The following ESYT2 variants were observed in gnomAD, a reference collection of about 807,000 sequenced individuals.
The protein encoded by ESYT2 is extended synaptotagmin-2.
Under a neutral mutation model 107.2 loss-of-function variants are expected in ESYT2, and 54 were observed. The ratio of observed to expected loss-of-function variants is 0.50; its 90% CI spans 0.40 to 0.63. The LOEUF (loss-of-function observed/expected upper bound fraction) is 0.63, where lower values mean the gene tolerates loss of function less well. ESYT2 is among the 30% of genes least tolerant of loss of function. The pLI, the probability that ESYT2 is intolerant of heterozygous loss-of-function variation, is 0.00. For synonymous variants in ESYT2, 491 were observed against 434.1 expected (o/e 1.13, Z -1.63); for missense variants, 1,020 against 1,094.5 (o/e 0.93, Z 0.96).
At chr7:158,761,231 C>T (rs544011376) in intron 11 of ESYT2, among the ~76,000 whole-genome samples, 1 of 152,320 alleles carries the variant, frequency 6.6e-6, no homozygotes, top group East Asian at 1.9e-4. Flanking sequence ...TCTGCAATAA[C>T]GTCAGTTTAT....
chr7:158,757,072 G>A (rs1322607877), intron 13 of ESYT2, among the ~76,000 whole-genome samples: 1 of 151,568 alleles, frequency 6.6e-6, no homozygotes, highest in South Asian at 2.1e-4. Flanking sequence ...TTTTTTCAAC[G>A]AGCCAGTAGC....
At chr7:158,823,373 C>G (rs1458225126) in intron 1 of ESYT2, among the ~76,000 whole-genome samples, 1 of 139,086 alleles carries the variant, frequency 7.2e-6, no homozygotes. Flanking sequence ...GTCGCCCAGG[C>G]TGGAGTGCAG....
chr7:158,764,607 A>G, intron 9 of ESYT2, 70 bp downstream of exon 9: 1 of 1,507,762 alleles, frequency 6.6e-7, no homozygotes, highest in South Asian at 1.2e-5. Flanking sequence ...CTGTGCTGGA[A>G]TGAGAGCTTG....
At chr7:158,772,134 AG>A (rs1838396442) in intron 7 of ESYT2, among the ~76,000 whole-genome samples, 3 of 152,030 alleles carry the variant, frequency 2.0e-5, no homozygotes, top group Non-Finnish European at 4.4e-5. Context: ...AAAAAAAAAA[AG>A]AAACTTACTT....
chr7:158,819,485 G>T (rs916974434), intron 1 of ESYT2, among the ~76,000 whole-genome samples: 5 of 152,114 alleles, frequency 3.3e-5, no homozygotes, highest in Non-Finnish European at 7.4e-5. Context: ...AGATGATACT[G>T]CAATAGTCAA....
At chr7:158,800,053 A>AC (rs1839587852) in intron 1 of ESYT2, among the ~76,000 whole-genome samples, 1 of 70,980 alleles carries the variant, frequency 1.4e-5, no homozygotes, top group East Asian at 4.6e-4. Context: ...GTGGCCTCTT[A>AC]ATTTTTTTTT....
At chr7:158,743,396 C>T (rs1837280100) in intron 17 of ESYT2, 133 bp downstream of exon 17, 10 of 1,118,616 alleles carry the variant, frequency 8.9e-6, no homozygotes, top group Admixed American at 3.0e-5. Context: ...CCTGCACCGG[C>T]GCCCTCCTGC....
chr7:158,739,260 T>C, intron 18 of ESYT2, 139 bp from the exon 19 acceptor site: 1 of 668,290 alleles, frequency 1.5e-6, no homozygotes. Flanking sequence ...TTAAACATAA[T>C]TTGAAACTTC....
intron 6 of ESYT2, among the ~76,000 whole-genome samples, chr7:158,780,991 G>A (rs947550474): frequency 1.3e-5 from 2 of 152,018 alleles, no homozygotes; most frequent in Non-Finnish European, 2.9e-5. Flanking sequence ...TGAGAAAGAG[G>A]GACAGAGAAC....
intron 1 of ESYT2, among the ~76,000 whole-genome samples, chr7:158,820,490 T>TA (rs1213515628): frequency 6.6e-6 from 1 of 152,140 alleles, no homozygotes; most frequent in Non-Finnish European, 1.5e-5. Context: ...TTTTATCAGA[T>TA]AAAAAAATAA....
At position 158,745,562 on chromosome 7, in the gene ESYT2, C is replaced by T. The variant is rs1034644437; in HGVS notation, c.1645-1884G>A. ...GAAAGGCACACAGCCTACAGGTGCA[C>T]GTGGAGTGTGTCCCAGGACAGGCAG... On this transcript the variant is annotated intron_variant, in intron 16 of 22. Coordinates refer to ENST00000275418, the MANE Select transcript of ESYT2 (RefSeq NM_001367773.1). Among the ~76,000 whole-genome samples the T allele has an allele frequency of 5.9e-5, 9 of 152,114 alleles. No homozygotes were observed. In the East Asian group the frequency reaches 1.3e-3, roughly 23 times the overall value.
chr7:158,791,906 C>T (rs2709852), intron 4 of ESYT2, among the ~76,000 whole-genome samples: 143,540 of 152,224 alleles, frequency 0.94, 67,725 homozygotes, highest in Middle Eastern at 0.96. Context: ...AATATTAAGT[C>T]TTCTAATCCA....
chr7:158,806,133 T>TGGCGCACAACGCGTAGGAGGC (rs1584873959), intron 1 of ESYT2, among the ~76,000 whole-genome samples: 1 of 36,326 alleles, frequency 2.8e-5, no homozygotes, highest in Non-Finnish European at 1.0e-4. Context: ...GCGTGGGAGG[T>TGGCGCACAACGCGTAGGAGGC]GCCGGGGCAC....
At chr7:158,787,446 CAA>C (rs1839150913) in intron 6 of ESYT2, among the ~76,000 whole-genome samples, 1 of 152,094 alleles carries the variant, frequency 6.6e-6, no homozygotes, top group Non-Finnish European at 1.5e-5. Flanking sequence ...AAACACACCC[CAA>C]AAGAGGAAGG....
intron 1 of ESYT2, among the ~76,000 whole-genome samples, chr7:158,827,063 T>C (rs1840475703): frequency 6.7e-6 from 1 of 149,834 alleles, no homozygotes; most frequent in Non-Finnish European, 1.5e-5. Context: ...CTCGGGAGGC[T>C]GAGGCAGGAG....
At chr7:158,783,861 C>A (rs1839014269) in intron 6 of ESYT2, among the ~76,000 whole-genome samples, 1 of 152,142 alleles carries the variant, frequency 6.6e-6, no homozygotes, top group African/African-American at 2.4e-5. Context: ...TAGAAGGGCA[C>A]AAAGGAAGCC....
At chr7:158,809,292 A>G (rs570399400) in intron 1 of ESYT2, among the ~76,000 whole-genome samples, 35 of 152,070 alleles carry the variant, frequency 2.3e-4, no homozygotes, top group Admixed American at 2.3e-3. Flanking sequence ...CCTGGCCAAC[A>G]TGGTGAAACC....
At chr7:158,751,713 C>T (rs980341701) in intron 14 of ESYT2, among the ~76,000 whole-genome samples, 2 of 152,184 alleles carry the variant, frequency 1.3e-5, no homozygotes, top group Admixed American at 1.3e-4. Context: ...TTCCATTCTA[C>T]AAATAACACA....
intron 1 of ESYT2, among the ~76,000 whole-genome samples, chr7:158,816,492 C>A (rs533933753): frequency 6.6e-6 from 1 of 152,316 alleles, no homozygotes; most frequent in Admixed American, 6.5e-5. Context: ...GGCTGAGAAG[C>A]AAGAAAAGCA....
Sources: allele counts gnomAD v4.1 joint callset (sites outside exome capture counted in the v4.1 genomes callset), GRCh38; gene constraint gnomAD v4.1.1; transcripts MANE v1.5; gene names NCBI Gene and HGNC (gene_info 2026-07-23, HGNC 2026-07-21).